GSAP: variants seen among roughly 807,000 people sequenced by gnomAD.
GSAP encodes gamma-secretase activating protein, also known as gamma-secretase-activating protein.
A neutral mutation model predicts 131.7 loss-of-function variants in GSAP; 118 were observed. The observed-to-expected ratio is 0.90, with a 90% CI of 0.77 to 1.04. GSAP has a LOEUF of 1.04. GSAP is among the 50% of genes least tolerant of loss of function. GSAP has a pLI of 0.00. For synonymous variants in GSAP, 381 were observed against 363.4 expected, an observed-to-expected ratio of 1.05 and a Z score of -0.55; for missense variants, 1,019 against 1,013.2, an observed-to-expected ratio of 1.01 and a Z score of -0.08.
chr7:77,346,270 C>CAAAAAAAAAAAAAAAAAAAAAAAAAAA (rs1223497863), intron 19 of GSAP, among the ~76,000 whole-genome samples: 1 of 40,882 alleles, frequency 2.4e-5, no homozygotes, highest in Non-Finnish European at 4.7e-5. Context: ...GACTCCATCT[C>CAAAAAAAAAAAAAAAAAAAAAAAAAAA]AAAAAAAAAA....
intron 6 of GSAP, among the ~76,000 whole-genome samples, chr7:77,383,983 C>G (rs987393981): frequency 6.6e-6 from 1 of 152,190 alleles, no homozygotes; most frequent in Non-Finnish European, 1.5e-5. Context: ...ATATGCTTCA[C>G]AGCAATAAAG....
intron 18 of GSAP, chr7:77,350,970 C>A: frequency 8.0e-6 from 2 of 250,462 alleles, no homozygotes; most frequent in Non-Finnish European, 1.3e-5. Context: ...AATCAGCTTT[C>A]ATTTCCTTAA....
intron 25 of GSAP, 49 bp downstream of exon 25, chr7:77,321,284 T>G: frequency 1.7e-6 from 2 of 1,162,690 alleles, no homozygotes; most frequent in East Asian, 2.3e-5. Context: ...ACAACAGAGT[T>G]GTTTCCACTC....
rs1329798389 is a variant in GSAP, at chr7:77,368,619, C to A, written c.871+5451G>T. 3.3e-5 allele frequency among the ~76,000 whole-genome samples: 5 copies of A among 152,302 alleles called. 1 individual carries two copies. In the South Asian group the frequency reaches 8.3e-4, roughly 25 times the overall value. The stretch of plus-strand genomic sequence containing the variant: ...TCTAACGTGAACCCAGATTGAGAAC[C>A]ACTTTTGAAATCAGCAGATTTGGAT... On this transcript the variant is annotated intron_variant, in intron 12 of 30. Transcript: ENST00000257626.
In GSAP at chr7:77,355,340, T is replaced by TA; in HGVS notation, c.1210dup (p.Tyr404LeufsTer2). The stretch of plus-strand genomic sequence containing the variant: ...AGACGACTGGCTGAGCAGTGCTCTA[T>TA]AGAGCTTTCCAGAACAACAATCCAA... On this transcript the variant is annotated frameshift_variant, in exon 16 of 31. Coordinates refer to ENST00000257626, the MANE Select transcript of GSAP (RefSeq NM_017439.4). LOFTEE classifies it high-confidence loss of function. 1 of 1,612,780 alleles carries TA rather than the reference T, an allele frequency of 6.2e-7. No homozygotes were observed. The highest frequency in any genetic ancestry group is 8.5e-7 in the Non-Finnish European group (1 of 1,179,434).
chr7:77,312,129 GTCAC>G lies in GSAP; in HGVS notation c.2341_2344del (p.Val781ArgfsTer15). 3 of 1,601,186 alleles carry G rather than the reference GTCAC, an allele frequency of 1.9e-6. No individual in the cohort carries two copies. Among genetic ancestry groups the G allele is most frequent in the Non-Finnish European group, 2.6e-6 (3 of 1,173,948 alleles). ...TTTCTTATAGTTCTGAAGCAGTCGCGTCACGTGGTTCCGCGAAATGATGTTAGAA... is the reference window on the plus strand; with the variant it reads ...TTTCTTATAGTTCTGAAGCAGTCGCGGTGGTTCCGCGAAATGATGTTAGAA... On this transcript the variant is annotated frameshift_variant, in exon 29 of 31. Transcript: ENST00000257626. LOFTEE classifies it high-confidence loss of function.
At chr7:77,410,566 G>A (rs747402012) in intron 1 of GSAP, among the ~76,000 whole-genome samples, 1 of 152,126 alleles carries the variant, frequency 6.6e-6, no homozygotes, top group Non-Finnish European at 1.5e-5. Flanking sequence ...TACTTGCATA[G>A]GTAAACCTAT....
At chr7:77,354,803 C>T (rs1197036661) in intron 16 of GSAP, among the ~76,000 whole-genome samples, 2 of 151,570 alleles carry the variant, frequency 1.3e-5, no homozygotes, top group Non-Finnish European at 2.9e-5. Flanking sequence ...ACTTAATAAA[C>T]TCTAATGTGA....
At chr7:77,377,185 C>T in intron 9 of GSAP, 101 bp downstream of exon 9, 1 of 1,219,536 alleles carries the variant, frequency 8.2e-7, no homozygotes, top group South Asian at 2.3e-5. Context: ...CCACTGCACT[C>T]CAGCCTCAGC....
chr7:77,347,634 T>A (rs1792107803), intron 19 of GSAP, among the ~76,000 whole-genome samples: 1 of 152,282 alleles, frequency 6.6e-6, no homozygotes. Flanking sequence ...TATGGAGTCA[T>A]TAGAAATTAT....
chr7:77,409,416 T>C (rs1242934450), intron 1 of GSAP, among the ~76,000 whole-genome samples: 2 of 152,236 alleles, frequency 1.3e-5, no homozygotes, highest in African/African-American at 4.8e-5. Context: ...AGGCCTACTA[T>C]ACTTTTCAAT....
chr7:77,412,925 G>A (rs1002473280), intron 1 of GSAP, among the ~76,000 whole-genome samples: 4 of 152,286 alleles, frequency 2.6e-5, no homozygotes, highest in African/African-American at 4.8e-5. Flanking sequence ...AGACGAAGAT[G>A]TGCACAGCCT....
At chr7:77,332,812 TTAAGA>T (rs762941486) in intron 19 of GSAP, among the ~76,000 whole-genome samples, 35 of 152,262 alleles carry the variant, frequency 2.3e-4, no homozygotes, top group Middle Eastern at 3.4e-3. Context: ...CTTACAGATA[TTAAGA>T]TAATACAGAA....
intron 9 of GSAP, 114 bp downstream of exon 9, chr7:77,377,172 A>G (rs1413954962): frequency 8.8e-7 from 1 of 1,142,682 alleles, no homozygotes; most frequent in Non-Finnish European, 1.1e-6. Context: ...AGCTATGATC[A>G]CACCACTGCA....
chr7:77,361,007 G>C (rs1794456516), intron 13 of GSAP, 106 bp from the exon 14 acceptor site: 1 of 683,092 alleles, frequency 1.5e-6, no homozygotes, highest in African/African-American at 1.8e-5. Context: ...CATGAAACTG[G>C]TAAGCAGGCA....
At chr7:77,355,459 A>G in intron 15 of GSAP, 29 bp from the exon 16 acceptor site, 1 of 1,524,532 alleles carries the variant, frequency 6.6e-7, no homozygotes. Flanking sequence ...ACAGTAGATC[A>G]GCAAATAGAA....
At chr7:77,365,116 A>C (rs943696771) in intron 12 of GSAP, among the ~76,000 whole-genome samples, 9 of 151,924 alleles carry the variant, frequency 5.9e-5, no homozygotes, top group Non-Finnish European at 1.0e-4. Flanking sequence ...GTGCCTGGCT[A>C]ATTATTTTAT....
chr7:77,407,887 T>C (rs576333099), intron 1 of GSAP, among the ~76,000 whole-genome samples: 1 of 152,328 alleles, frequency 6.6e-6, no homozygotes, highest in East Asian at 1.9e-4. Flanking sequence ...AATGAATAAA[T>C]TGTGTTATAT....
chr7:77,384,324 CAG>C (rs1407552512), intron 6 of GSAP, among the ~76,000 whole-genome samples: 1 of 152,182 alleles, frequency 6.6e-6, no homozygotes, highest in Non-Finnish European at 1.5e-5. Context: ...CTGTGACAAT[CAG>C]GGAGAATGTT....
Sources: gnomAD v4.1 joint callset for allele counts (sites outside exome capture counted in the v4.1 genomes callset) on GRCh38, gnomAD v4.1.1 for gene constraint, MANE v1.5 for transcripts, NCBI Gene and HGNC (gene_info 2026-07-23, HGNC 2026-07-21) for gene names.